CYSLTR1: variants seen among roughly 807,000 people sequenced by gnomAD.
CYSLTR1 encodes the protein G-protein coupled receptor HG55.
A neutral mutation model predicts 2.1 loss-of-function variants in CYSLTR1; 1 was observed. The ratio of observed to expected loss-of-function variants is 0.48; its 90% CI spans 0.17 to 2.28. The LOEUF (loss-of-function observed/expected upper bound fraction) is 2.28, where lower values mean the gene tolerates loss of function less well. Among genes scored for constraint, CYSLTR1 ranks in the 30% most tolerant of loss-of-function variants. CYSLTR1 has a pLI of 0.26. For missense variants in CYSLTR1, 299 were observed against 250.1 expected (o/e 1.20, Z -1.32); for synonymous variants, 110 against 89.6 (o/e 1.23, Z -1.28).
intron 1 of CYSLTR1, among the ~76,000 whole-genome samples, chrX:78,296,424 T>A (rs1439392846): frequency 8.9e-6 from 1 of 112,202 alleles, no homozygotes; most frequent in Non-Finnish European, 1.9e-5. Context: ...TTTTTTCTAT[T>A]TCTGTGAAGA....
chrX:78,326,576 G>A (rs1240369349), intron 1 of CYSLTR1, among the ~76,000 whole-genome samples: 1 of 111,691 alleles, frequency 9.0e-6, no homozygotes, highest in Non-Finnish European at 1.9e-5. Context: ...AAATGTTCCT[G>A]GCTAAAGATT....
At chrX:78,279,022 G>C (rs895451551) in intron 2 of CYSLTR1, among the ~76,000 whole-genome samples, 3 of 111,968 alleles carry the variant, frequency 2.7e-5, no homozygotes, top group Non-Finnish European at 5.6e-5. Context: ...AGAAAACTTA[G>C]GAAATACCAT....
intron 1 of CYSLTR1, among the ~76,000 whole-genome samples, chrX:78,292,877 C>T (rs144529646): frequency 0.04 from 4,252 of 107,631 alleles, 137 homozygotes; most frequent in African/African-American, 0.11. Context: ...TGTCTTTGCA[C>T]GTGAGATGGG....
At chrX:78,304,355 T>C (rs1426959588) in intron 1 of CYSLTR1, among the ~76,000 whole-genome samples, 2 of 111,427 alleles carry the variant, frequency 1.8e-5, no homozygotes, top group African/African-American at 3.3e-5. Context: ...TTTTTATCAT[T>C]TGTTGTATGA....
At chrX:78,297,487 T>C (rs1048758055) in intron 1 of CYSLTR1, among the ~76,000 whole-genome samples, 8 of 111,707 alleles carry the variant, frequency 7.2e-5, no homozygotes, top group Non-Finnish European at 7.6e-5. Flanking sequence ...TTTGGTAGAA[T>C]TCATCAGTAA....
chrX:78,301,536 A>G (rs1021395405), intron 1 of CYSLTR1, among the ~76,000 whole-genome samples: 3 of 112,104 alleles, frequency 2.7e-5, no homozygotes, highest in Non-Finnish European at 5.6e-5. Context: ...AGTCACCTTT[A>G]TTCTGGTTCT....
At chrX:78,307,111 A>T (rs1923057752) in intron 1 of CYSLTR1, among the ~76,000 whole-genome samples, 1 of 112,306 alleles carries the variant, frequency 8.9e-6, no homozygotes, top group African/African-American at 3.2e-5. Flanking sequence ...GTAACAAATT[A>T]CCACCAACTA....
At chrX:78,274,705 C>T (rs1331345561) in intron 2 of CYSLTR1, among the ~76,000 whole-genome samples, 20 of 110,083 alleles carry the variant, frequency 1.8e-4, no homozygotes, top group African/African-American at 6.6e-4. Context: ...AAAGCAATGA[C>T]AACAAAAGCC....
At chrX:78,289,112 C>T (rs954161323) in intron 1 of CYSLTR1, among the ~76,000 whole-genome samples, 2 of 110,271 alleles carry the variant, frequency 1.8e-5, no homozygotes, top group East Asian at 5.7e-4. Context: ...ATCCCTCCCC[C>T]AGCCCTCCAC....
chrX:78,297,282 T>A (rs1330536389), intron 1 of CYSLTR1, among the ~76,000 whole-genome samples: 3 of 111,846 alleles, frequency 2.7e-5, no homozygotes, highest in African/African-American at 9.7e-5. Context: ...TTGTCAAATT[T>A]GGTTTGCTAG....
chrX:78,289,112 C>A (rs954161323), intron 1 of CYSLTR1, among the ~76,000 whole-genome samples: 1 of 110,271 alleles, frequency 9.1e-6, no homozygotes, highest in African/African-American at 3.3e-5. Flanking sequence ...ATCCCTCCCC[C>A]AGCCCTCCAC....
At chrX:78,283,703 T>C (rs1236508401) in intron 1 of CYSLTR1, among the ~76,000 whole-genome samples, 163 bp from the exon 2 acceptor site, 1 of 112,182 alleles carries the variant, frequency 8.9e-6, no homozygotes, top group Non-Finnish European at 1.9e-5. Flanking sequence ...CTCCTTCTTT[T>C]TTCTCCATCT....
In CYSLTR1 at chrX:78,273,216, T is replaced by C; in HGVS notation, c.531A>G (p.Pro177=). The change falls in exon 3 of 3, where the codon CCA becomes CCG. Residue 177 remains proline (P), a synonymous_variant. Transcript: ENST00000373304. The stretch of plus-strand genomic sequence containing the variant: ...CATGATTTTTAGTTTGATTGTCTTG[T>C]GGGGGCTCAAAGCACTTGGTATTAT... The part of the protein sequence containing the change: ...EKNNTKCFEP[P]QDNQTKNHVL... 8.3e-7 allele frequency: 1 copy of C among 1,211,123 alleles called. No homozygotes were observed. The highest frequency in any genetic ancestry group is 1.8e-5 in the South Asian group (1 of 56,864).
intron 1 of CYSLTR1, among the ~76,000 whole-genome samples, chrX:78,290,111 C>T (rs868012181): frequency 1.8e-5 from 2 of 111,996 alleles, no homozygotes; most frequent in Non-Finnish European, 3.8e-5. Flanking sequence ...ACATTTAAGT[C>T]TTTAATCCAT....
At chrX:78,314,112 G>A (rs321006) in intron 1 of CYSLTR1, among the ~76,000 whole-genome samples, 11,768 of 110,704 alleles carry the variant, frequency 0.11, 677 homozygotes, top group Non-Finnish European at 0.16. Context: ...AGAGGTTTAG[G>A]ACATAGGAGA....
At chrX:78,312,848 G>A (rs772046470) in intron 1 of CYSLTR1, among the ~76,000 whole-genome samples, 2 of 112,152 alleles carry the variant, frequency 1.8e-5, no homozygotes, top group Non-Finnish European at 3.8e-5. Flanking sequence ...AAAAGAGAGT[G>A]CTTATACACT....
chrX:78,300,505 G>A (rs779957124), intron 1 of CYSLTR1, among the ~76,000 whole-genome samples: 2 of 112,957 alleles, frequency 1.8e-5, no homozygotes, highest in Non-Finnish European at 3.7e-5. Context: ...GCTTTAGGGG[G>A]CACCCCAAGC....
intron 1 of CYSLTR1, among the ~76,000 whole-genome samples, chrX:78,307,196 C>T (rs1209019328): frequency 3.6e-5 from 4 of 111,895 alleles, no homozygotes; most frequent in Non-Finnish European, 7.5e-5. Context: ...TTCTGCTTAG[C>T]ATCTCACAAC....
rs1010525987 is a variant in CYSLTR1, at chrX:78,281,553, G to A, written c.-28+1901C>T. 1.5e-4 allele frequency among the ~76,000 whole-genome samples: 17 copies of A among 111,438 alleles called. 1 individual carries two copies. In the Admixed American group the frequency reaches 1.6e-3, roughly 11 times the overall value. ...CTCCCAAAGTGCTGGGATTACAGGT[G>A]TGAGCCACCATGCCTGGCCTGCCTT... On this transcript the variant is annotated intron_variant, in intron 2 of 2. Transcript: ENST00000373304.
Sources: gnomAD v4.1 joint callset for allele counts (sites outside exome capture counted in the v4.1 genomes callset) on GRCh38, gnomAD v4.1.1 for gene constraint, MANE v1.5 for transcripts, NCBI Gene and HGNC (gene_info 2026-07-23, HGNC 2026-07-21) for gene names.